Variants in DNAH9 observed in about 807,000 individuals in gnomAD.
DNAH9 encodes the protein DNAH9 variant protein.
Under a neutral mutation model 471.6 loss-of-function variants are expected in DNAH9, and 345 were observed. The ratio of observed to expected loss-of-function variants is 0.73; its 90% confidence interval spans 0.67 to 0.80. The LOEUF (loss-of-function observed/expected upper bound fraction) is 0.80. Ranked by LOEUF, DNAH9 falls within the 30% of genes least tolerant of loss-of-function variation. DNAH9 has a pLI of 0.00. For missense variants in DNAH9, 5,407 were observed against 5,609.2 expected (o/e 0.96, Z 1.15); for synonymous variants, 2,093 against 2,123.6 (o/e 0.99, Z 0.40).
chr17:11,925,268 G>A (rs1974284576), intron 62 of DNAH9: 1 of 443,298 alleles, frequency 2.3e-6, no homozygotes, highest in East Asian at 7.1e-5. Flanking sequence ...AGAAATTAAA[G>A]AAAGAATAAA....
At chr17:11,639,340 A>G (rs2150683438) in intron 9 of DNAH9, among the ~76,000 whole-genome samples, 1 of 152,374 alleles carries the variant, frequency 6.6e-6, no homozygotes, top group East Asian at 1.9e-4. Flanking sequence ...GTTGCTAGTT[A>G]GAAATGCCAG....
At chr17:11,711,928 ATATATATATTTG>A (rs1567740095) in intron 26 of DNAH9, among the ~76,000 whole-genome samples, 2 of 49,114 alleles carry the variant, frequency 4.1e-5, no homozygotes, top group African/African-American at 1.3e-4. Flanking sequence ...TTATATATAA[ATATATATATTTG>A]TATATATATT....
chr17:11,716,331 T>C (rs765808378), intron 26 of DNAH9, among the ~76,000 whole-genome samples: 1 of 152,070 alleles, frequency 6.6e-6, no homozygotes. Context: ...TCTCCCTGCC[T>C]CGGCCTCCCA....
rs1972713475 is a variant in DNAH9 at position 11,881,303 on chromosome 17, C to G, written c.10696C>G (p.Leu3566Val). The change falls in exon 55 of 69, where the codon CTG becomes GTG. Residue 3566 changes from leucine (L) to valine (V), a missense_variant. By Grantham distance (32) the Leu-to-Val change is conservative. Transcript: ENST00000262442. The stretch of plus-strand genomic sequence containing the variant: ...GGCTAATCCTCACTACCAGCCTGAG[C>G]TGCAGGCTCAGGCCACCCTGATCAA... ...KLANPHYQPE[L>V]QAQATLINFT... 1 of 1,614,082 alleles carries G rather than the reference C, an allele frequency of 6.2e-7. No individual in the cohort carries two copies. The highest frequency in any genetic ancestry group is 1.7e-5 in the Admixed American group (1 of 60,010).
rs58634740 is a variant in DNAH9, at chr17:11,941,694, G to GGATAGATAGATA, written c.12661-575_12661-564dup. 1.4e-3 allele frequency among the ~76,000 whole-genome samples: 206 copies of GGATAGATAGATA among 148,332 alleles called. 1 individual carries two copies. The highest frequency in any genetic ancestry group is 3.2e-3 in the African/African-American group (126 of 39,952). On this transcript the variant is annotated intron_variant, in intron 66 of 68. Transcript: ENST00000262442. ...GAAACTCAGAACTGAGTGGATGACC[G>GGATAGATAGATA]GATAGATAGATAGATAGATAGATAG...
At chr17:11,799,462 G>A (rs1389958427) in intron 43 of DNAH9, among the ~76,000 whole-genome samples, 6 of 152,116 alleles carry the variant, frequency 3.9e-5, no homozygotes, top group Non-Finnish European at 7.3e-5. Context: ...TGCCTCCTGG[G>A]TTCAAGCGAT....
chr17:11,818,807 T>G (rs1046726226), intron 45 of DNAH9, among the ~76,000 whole-genome samples: 1 of 152,052 alleles, frequency 6.6e-6, no homozygotes, highest in Non-Finnish European at 1.5e-5. Context: ...CAGTCTCATC[T>G]TTTTCATTGA....
chr17:11,630,645 CG>C (rs1567676763), intron 7 of DNAH9: 22 of 152,214 alleles, frequency 1.4e-4, no homozygotes, highest in African/African-American at 5.1e-4. Flanking sequence ...AGCAAACCAC[CG>C]TGGCACATGT....
chr17:11,746,208 A>C (rs1056536212), intron 31 of DNAH9, among the ~76,000 whole-genome samples: 2 of 152,164 alleles, frequency 1.3e-5, no homozygotes, highest in African/African-American at 2.4e-5. Flanking sequence ...GGTTTAATTA[A>C]CTCACAGTTC....
chr17:11,790,896 C>T (rs62063195), intron 41 of DNAH9, among the ~76,000 whole-genome samples: 2,707 of 152,170 alleles, frequency 0.018, 46 homozygotes, highest in Non-Finnish European at 0.03. Context: ...AATTGCCATA[C>T]AATGCAAGGA....
At chr17:11,944,467 C>A (rs1597859147) in intron 67 of DNAH9, among the ~76,000 whole-genome samples, 1 of 152,214 alleles carries the variant, frequency 6.6e-6, no homozygotes, top group Non-Finnish European at 1.5e-5. Context: ...AGGCACAGGG[C>A]AGAGCAGCCC....
chr17:11,868,124 C>T (rs1230722872), intron 50 of DNAH9, among the ~76,000 whole-genome samples: 1 of 152,216 alleles, frequency 6.6e-6, no homozygotes, highest in Non-Finnish European at 1.5e-5. Flanking sequence ...ATGGCCCTCA[C>T]CAATTTGCTT....
At position 11,805,485 on chromosome 17, in the gene DNAH9, G is replaced by C. The variant is rs1214716032; in HGVS notation, c.8421-2247G>C. Among the ~76,000 whole-genome samples the C allele has an allele frequency of 3.9e-5, 5 of 128,312 alleles. No individual in the cohort carries two copies. The Admixed American group carries it at 4.3e-4, about 11-fold the overall frequency. 84.2% of individuals were successfully genotyped at this position (128,312 alleles called of 152,430 possible). The stretch of plus-strand genomic sequence containing the variant: ...TAGCCCATGCAATTCAATCTCAAAC[G>C]TATCCTCTACTCTATTTGGCCAAAC... On this transcript the variant is annotated intron_variant, in intron 43 of 68. Coordinates refer to ENST00000262442, the MANE Select transcript of DNAH9 (RefSeq NM_001372.4).
Position 11,948,897 on chromosome 17 carries a change from G to C in DNAH9, c.12843+6412G>C, listed in dbSNP as rs181341817. Among the ~76,000 whole-genome samples, 219 of 152,304 alleles carry C rather than the reference G, an allele frequency of 1.4e-3. 2 individuals carry two copies. Among genetic ancestry groups the C allele is most frequent in the Non-Finnish European group, 2.7e-3 (187 of 68,032 alleles). Reference sequence around the variant, plus strand: ...CCCCTCCAGGAGGGAGGACCTGGGTGCTGCTGCCCTGTCCCCTGGCCCTCT... The same window carrying C: ...CCCCTCCAGGAGGGAGGACCTGGGTCCTGCTGCCCTGTCCCCTGGCCCTCT... On this transcript the variant is annotated intron_variant, in intron 67 of 68. Coordinates refer to ENST00000262442, the MANE Select transcript of DNAH9 (RefSeq NM_001372.4).
rs199528503 is a variant in DNAH9 at position 11,897,119 on chromosome 17, T to TA, written c.11406+2624dup. 4.0e-3 allele frequency among the ~76,000 whole-genome samples: 607 copies of TA among 152,334 alleles called. 5 individuals carry two copies. Among genetic ancestry groups the TA allele is most frequent in the African/African-American group, 0.013 (560 of 41,574 alleles). ...ATGGATAAAATTAATTTTAGCAAGA[T>TA]ATTTTCTTTAAGCCAATACAGCCAA... On this transcript the variant is annotated intron_variant, in intron 59 of 68. Coordinates refer to ENST00000262442, the MANE Select transcript of DNAH9 (RefSeq NM_001372.4).
At chr17:11,855,354 CAATTT>C (rs1255492947) in intron 50 of DNAH9, among the ~76,000 whole-genome samples, 1 of 152,112 alleles carries the variant, frequency 6.6e-6, no homozygotes, top group African/African-American at 2.4e-5. Flanking sequence ...TGAGTTACAA[CAATTT>C]AATTAATTAC....
chr17:11,763,483 A>G lies in DNAH9; in HGVS notation c.7039A>G (p.Met2347Val). 1 of 1,614,144 alleles carries G rather than the reference A, an allele frequency of 6.2e-7. No individual in the cohort carries two copies. Among genetic ancestry groups the G allele is most frequent in the Non-Finnish European group, 8.5e-7 (1 of 1,179,998 alleles). Residue 2347 changes from methionine to valine, a missense_variant, in exon 36 of 69, where the codon ATG (methionine) becomes GTG (valine). Around this residue, in one of 3 missense-constraint regions of DNAH9, gnomAD observed 4,636 missense variants for 4,900.3 expected, o/e 0.95. Coordinates refer to ENST00000262442, the MANE Select transcript of DNAH9 (RefSeq NM_001372.4). ...IPIPEQSMVQ[M>V]VCHLLECLLT... ...CATCCCAGAGCAGAGCATGGTTCAG[A>G]TGGTGTGTCACCTTCTGGAATGTCT...
intron 12 of DNAH9, among the ~76,000 whole-genome samples, chr17:11,648,136 T>G (rs1260438866): frequency 6.6e-6 from 1 of 152,212 alleles, no homozygotes; most frequent in African/African-American, 2.4e-5. Flanking sequence ...AAAACTGTAT[T>G]GGTCACACTA....
At chr17:11,793,697 T>TA in intron 42 of DNAH9, 33 bp downstream of exon 42, 2 of 1,501,798 alleles carry the variant, frequency 1.3e-6, no homozygotes, top group Non-Finnish European at 1.8e-6. Flanking sequence ...TCTTTGTATT[T>TA]GAAAAAAAAA....
Sources: gnomAD v4.1 joint callset for allele counts (sites outside exome capture counted in the v4.1 genomes callset) on GRCh38, gnomAD v4.1.1 for gene constraint, gnomAD v4.1.1 regional missense constraint, MANE v1.5 for transcripts, NCBI Gene and HGNC (gene_info 2026-07-23, HGNC 2026-07-21) for gene names.